The following CYB5R3 variants were observed in gnomAD, a reference collection of about 807,000 sequenced individuals.
The protein encoded by CYB5R3 is cytochrome b5 reductase 3.
In CYB5R3, 28 loss-of-function variants were observed where a neutral mutation model predicts 36.5. That is an observed-to-expected ratio of 0.77 (90% confidence interval 0.57 to 1.05). The LOEUF is 1.05. Ranked by LOEUF, CYB5R3 falls within the 50% of genes least tolerant of loss-of-function variation. CYB5R3 has a pLI of 0.00. For synonymous variants in CYB5R3, 181 were observed against 159.8 expected (o/e 1.13, Z -1.00); for missense variants, 474 against 408.9 (o/e 1.16, Z -1.37).
chr22:42,643,884 C>T (rs536854095), intron 1 of CYB5R3, among the ~76,000 whole-genome samples: 1 of 152,224 alleles, frequency 6.6e-6, no homozygotes, highest in East Asian at 1.9e-4. Context: ...CAGCGGTCAG[C>T]GCCCCTGAGC....
intron 2 of CYB5R3, 144 bp from the exon 3 acceptor site, chr22:42,631,594 C>T (rs987774630): frequency 1.9e-5 from 14 of 749,618 alleles, no homozygotes; most frequent in Middle Eastern, 3.5e-4. Flanking sequence ...GACGTGACGC[C>T]GACGCCAAGC....
chr22:42,645,666 A>G (rs1038917912), intron 1 of CYB5R3, among the ~76,000 whole-genome samples: 1 of 152,088 alleles, frequency 6.6e-6, no homozygotes, highest in African/African-American at 2.4e-5. Context: ...ACGCCACCTC[A>G]TTCAGTCCTC....
chr22:42,628,679 T>A (rs1271359386), intron 4 of CYB5R3, among the ~76,000 whole-genome samples: 1 of 152,208 alleles, frequency 6.6e-6, no homozygotes, highest in Non-Finnish European at 1.5e-5. Flanking sequence ...CTCAGTCCCT[T>A]CCGTTTTGTG....
intron 8 of CYB5R3, among the ~76,000 whole-genome samples, chr22:42,622,774 C>T (rs1201264477): frequency 6.6e-6 from 1 of 152,180 alleles, no homozygotes; most frequent in African/African-American, 2.4e-5. Flanking sequence ...AGAGGGTGTG[C>T]GCCCCCCACC....
At chr22:42,620,464 C>T (rs1036229526) in intron 8 of CYB5R3, among the ~76,000 whole-genome samples, 14 of 152,078 alleles carry the variant, frequency 9.2e-5, no homozygotes, top group African/African-American at 2.9e-4. Context: ...CCAAGAATGT[C>T]GGCCCATGAG....
In CYB5R3 at chr22:42,627,627, C is replaced by T. The variant is rs374232137; in HGVS notation, c.525G>A (p.Val175=). 1.2e-6 allele frequency: 2 copies of T among 1,614,052 alleles called. No individual in the cohort carries two copies. Among genetic ancestry groups the T allele is most frequent in the Non-Finnish European group, 1.7e-6 (2 of 1,180,016 alleles). ...TACCTGTCCCTCCCGCGATCATGCCCACAGACTTCACTGTCCTGATGATAG... is the reference window on the plus strand; with the variant it reads ...TACCTGTCCCTCCCGCGATCATGCCTACAGACTTCACTGTCCTGATGATAG... ...SNPIIRTVKS[V]GMIAGGTGIT... The change falls in exon 6 of 9, where the codon GTG becomes GTA. Residue 175 remains valine, a synonymous_variant. Coordinates refer to ENST00000352397, the MANE Select transcript of CYB5R3 (RefSeq NM_000398.7).
intron 1 of CYB5R3, chr22:42,644,567 C>T: frequency 6.5e-7 from 1 of 1,528,508 alleles, no homozygotes; most frequent in Non-Finnish European, 8.8e-7. Context: ...CCTAGCTAAC[C>T]AGGCCCTTGG....
chr22:42,639,949 G>A (rs752745380), intron 1 of CYB5R3: 1 of 1,603,294 alleles, frequency 6.2e-7, no homozygotes, highest in Non-Finnish European at 8.5e-7. Context: ...ATAATCAGAT[G>A]TTAAGACTGG....
rs137123 is a variant in CYB5R3 at position 42,619,486 on chromosome 22, G to T, written c.*287C>A. ...AGCCCTCAGCCTTATAGTGTGTGTG[G>T]GGGGTGGACGAGGGGTCATGAGGAC... On this transcript the variant is annotated 3_prime_UTR_variant, in exon 9 of 9. Transcript: ENST00000352397. 124,281 of 481,864 alleles carry T rather than the reference G, an allele frequency of 0.26. 24,620 individuals carry two copies. Among genetic ancestry groups the T allele is most frequent in the African/African-American group, 0.69 (34,826 of 50,746 alleles). The allele number at this position is 481,864 out of a possible 1,614,324, so 29.8% of individuals were successfully genotyped here.
At chr22:42,626,817 C>T (rs1928293234) in intron 7 of CYB5R3, among the ~76,000 whole-genome samples, 1 of 139,590 alleles carries the variant, frequency 7.2e-6, no homozygotes, top group South Asian at 2.2e-4. Context: ...CAAGACCACA[C>T]AGCAGGCCAG....
At chr22:42,647,999 C>G (rs1221523575) in intron 1 of CYB5R3, among the ~76,000 whole-genome samples, 3 of 152,196 alleles carry the variant, frequency 2.0e-5, no homozygotes, top group African/African-American at 7.2e-5. Context: ...CCAGGGGAAG[C>G]TTTAGAGACA....
intron 7 of CYB5R3, among the ~76,000 whole-genome samples, chr22:42,626,987 C>T (rs1237187753): frequency 1.3e-5 from 2 of 152,202 alleles, no homozygotes; most frequent in Admixed American, 1.3e-4. Flanking sequence ...CAGCATTCTT[C>T]CCACTCTACC....
intron 2 of CYB5R3, among the ~76,000 whole-genome samples, chr22:42,635,814 G>A (rs8190422): frequency 0.15 from 23,409 of 152,178 alleles, 2,463 homozygotes; most frequent in East Asian, 0.58. Flanking sequence ...CAGAAATAGA[G>A]CAAGGGAGGG....
At chr22:42,639,523 G>A (rs905905041) in intron 1 of CYB5R3, among the ~76,000 whole-genome samples, 2 of 151,554 alleles carry the variant, frequency 1.3e-5, no homozygotes, top group African/African-American at 2.4e-5. Context: ...AGCTACTCAG[G>A]ATGCTGAGGC....
intron 1 of CYB5R3, among the ~76,000 whole-genome samples, chr22:42,641,414 C>G (rs1306238927): frequency 6.6e-6 from 1 of 152,056 alleles, no homozygotes; most frequent in Non-Finnish European, 1.5e-5. Flanking sequence ...TCCAGCGATT[C>G]TCCTGCCTCA....
rs1928927036 is a variant in CYB5R3 at position 42,636,859 on chromosome 22, G to A, written c.22-13C>T. 1 of 1,612,534 alleles carries A rather than the reference G, an allele frequency of 6.2e-7. No homozygotes were observed. Among genetic ancestry groups the A allele is most frequent in the Non-Finnish European group, 8.5e-7 (1 of 1,179,706 alleles). On this transcript the variant is annotated splice_polypyrimidine_tract_variant and intron_variant, in intron 1 of 8. Coordinates refer to ENST00000352397, the MANE Select transcript of CYB5R3 (RefSeq NM_000398.7). ...CCATATGGCCCAACTGAAACGACAG[G>A]ACCCGCGGGGTCAGTGCAGGAGCCT...
At chr22:42,629,207 C>A (rs1928477667) in intron 4 of CYB5R3, among the ~76,000 whole-genome samples, 1 of 152,158 alleles carries the variant, frequency 6.6e-6, no homozygotes. Context: ...TGGACAAAGC[C>A]CCAAACCTTA....
chr22:42,643,861 G>A (rs1296684558), intron 1 of CYB5R3, among the ~76,000 whole-genome samples: 1 of 152,150 alleles, frequency 6.6e-6, no homozygotes, highest in African/African-American at 2.4e-5. Flanking sequence ...AGGGTGGGGA[G>A]GAAGGAGGCA....
chr22:42,623,916 G>T (rs1191411400), intron 7 of CYB5R3, 28 bp from the exon 8 acceptor site: 12 of 1,593,850 alleles, frequency 7.5e-6, no homozygotes, highest in Non-Finnish European at 9.5e-6. Context: ...AGGCAGTCAG[G>T]AAGGATGGGT....
Sources: allele counts gnomAD v4.1 joint callset (sites outside exome capture counted in the v4.1 genomes callset), GRCh38; gene constraint gnomAD v4.1.1; transcripts MANE v1.5; gene names NCBI Gene and HGNC (gene_info 2026-07-23, HGNC 2026-07-21).